Variants in DDR1 observed in about 807,000 individuals in gnomAD.
DDR1 encodes the protein epithelial discoidin domain-containing receptor 1.
In DDR1, 64 loss-of-function variants were observed where a neutral mutation model predicts 97.4. That is an observed-to-expected ratio of 0.66 (90% CI 0.54 to 0.81). The LOEUF is 0.81. Among genes scored for constraint, DDR1 ranks in the 30% least tolerant of loss-of-function variants. The pLI is 0.00. For missense variants in DDR1, 990 were observed against 1,259.6 expected, an observed-to-expected ratio of 0.79 and a Z score of 3.24; for synonymous variants, 458 against 503.7, an observed-to-expected ratio of 0.91 and a Z score of 1.21.
rs1301559706 is a variant in DDR1 at position 30,896,798 on chromosome 6, C to T, written c.1802C>T (p.Pro601Leu). The T allele has an allele frequency of 6.3e-7, 1 of 1,589,108 alleles. No individual in the cohort carries two copies. Among genetic ancestry groups the T allele is most frequent in the Non-Finnish European group, 8.6e-7 (1 of 1,165,672 alleles). The change falls in exon 13 of 18, where the codon CCC becomes CTC. Residue 601 changes from proline to leucine, a missense_variant. Coordinates refer to ENST00000376568, the MANE Select transcript of DDR1 (RefSeq NM_001297654.2). ...LPPGAVGDGPPRVDFPRSRLR... is the reference protein window; with the variant it reads ...LPPGAVGDGPLRVDFPRSRLR... The stretch of plus-strand genomic sequence containing the variant: ...CCAGGGGCAGTCGGGGATGGGCCCC[C>T]CAGAGTGGATTTCCCTCGATCTCGA...
intron 10 of DDR1, among the ~76,000 whole-genome samples, chr6:30,893,795 G>A (rs1789575194): frequency 6.6e-6 from 1 of 152,204 alleles, no homozygotes; most frequent in South Asian, 2.1e-4. Flanking sequence ...GCTCCTCTCT[G>A]GCTAACCCAA....
At chr6:30,898,005 C>G (rs1162679924) in intron 15 of DDR1, 68 bp from the exon 16 acceptor site, 1 of 1,286,800 alleles carries the variant, frequency 7.8e-7, no homozygotes, top group Non-Finnish European at 1.1e-6. Flanking sequence ...GGAGTGGGCT[C>G]TCTCTCCTCT....
intron 11 of DDR1, among the ~76,000 whole-genome samples, 153 bp from the exon 12 acceptor site, chr6:30,895,251 C>G (rs1336488120): frequency 3.3e-5 from 5 of 152,144 alleles, no homozygotes; most frequent in African/African-American, 9.7e-5. Context: ...TCCAGCCAGC[C>G]GTCCGTCACT....
chr6:30,896,960 C>T (rs370048524), intron 13 of DDR1, 54 bp from the exon 14 acceptor site: 17 of 1,581,982 alleles, frequency 1.1e-5, no homozygotes, highest in Middle Eastern at 1.7e-4. Flanking sequence ...CATTTGTAAC[C>T]GTGTTAATCC....
chr6:30,893,260 T>C lies in DDR1; in HGVS notation c.1196-12T>C, dbSNP rs751807233. On this transcript the variant is annotated splice_polypyrimidine_tract_variant and intron_variant, in intron 9 of 17. Coordinates refer to ENST00000376568, the MANE Select transcript of DDR1 (RefSeq NM_001297654.2). ...GACCCTCCTGTGGTGCTGACCCTGC[T>C]GCCTCCACCAGAGCTGGAGCCCAGA... 8.1e-6 allele frequency: 13 copies of C among 1,602,974 alleles called. No homozygotes were observed. Among genetic ancestry groups the C allele is most frequent in the Non-Finnish European group, 1.1e-5 (13 of 1,179,056 alleles).
Position 30,897,321 on chromosome 6 carries a change from G to A in DDR1, c.1998-58G>A, listed in dbSNP as rs1403456335. 4.6e-6 allele frequency: 7 copies of A among 1,538,314 alleles called. No individual in the cohort carries two copies. Among genetic ancestry groups the A allele is most frequent in the South Asian group, 3.5e-5 (3 of 84,848 alleles). On this transcript the variant is annotated intron_variant, in intron 14 of 17. Coordinates refer to ENST00000376568, the MANE Select transcript of DDR1 (RefSeq NM_001297654.2). This position sits in a 1 kb window ranked among gnomAD's most constrained non-coding sequence, Gnocchi z 5.2. The stretch of plus-strand genomic sequence containing the variant: ...AGGTGGGGCAGGGGGGTGGGGGCGC[G>A]GGGGAAGGTGCAGGCCGCCCACTCG...
Position 30,885,731 on chromosome 6 carries a change from A to G in DDR1, c.-43+1021A>G, listed in dbSNP as rs1785537172. 3 of 1,296,464 alleles carry G rather than the reference A, an allele frequency of 2.3e-6. No homozygotes were observed. The African/African-American group carries it at 4.5e-5, about 20-fold the overall frequency. 80.3% of individuals were successfully genotyped at this position (1,296,464 alleles called of 1,614,324 possible). ...AGCTTCTGTGTTTGCTCTGTCTCAG[A>G]AACTCTGTGAGGGTTGTCAGGGACA... is the stretch of plus-strand genomic sequence containing the variant. On this transcript the variant is annotated intron_variant, in intron 1 of 17. Coordinates refer to ENST00000376568, the MANE Select transcript of DDR1 (RefSeq NM_001297654.2).
rs2150442519 is a variant in DDR1, at chr6:30,897,419, A to G, written c.2038A>G (p.Lys680Glu). The G allele has an allele frequency of 1.9e-6, 3 of 1,614,126 alleles. No homozygotes were observed. Among genetic ancestry groups the G allele is most frequent in the Non-Finnish European group, 1.7e-6 (2 of 1,180,024 alleles). ...LKEVKIMSRL[K>E]DPNIIRLLGV... ...AGAGGTGAAGATCATGTCGAGGCTC[A>G]AGGACCCAAACATCATTCGGCTGCT... The change falls in exon 15 of 18, where the codon AAG (lysine) becomes GAG (glutamate). Residue 680 changes from lysine (K) to glutamate (E), a missense_variant. By Grantham distance (56) the Lys-to-Glu change is moderately conservative. Transcript: ENST00000376568. The surrounding 1 kb of genome is among the most constrained non-coding windows in gnomAD (Gnocchi z 5.2).
At position 30,886,055 on chromosome 6, in the gene DDR1, T is replaced by TA. The variant is rs1327685347; in HGVS notation, c.-43+1345_-43+1346insA. ...ACCCAGTGGAGAGAGATGAGGTGACTGGGGGTGTTGGAGAACAGACAGCCC... is the reference window on the plus strand; with the variant it reads ...ACCCAGTGGAGAGAGATGAGGTGACTAGGGGGTGTTGGAGAACAGACAGCCC... On this transcript the variant is annotated intron_variant, in intron 1 of 17. Transcript: ENST00000376568. The surrounding 1 kb of genome is among the most constrained non-coding windows in gnomAD (Gnocchi z 4.6). Among the ~76,000 whole-genome samples, 4 of 152,116 alleles carry TA rather than the reference T, an allele frequency of 2.6e-5. No individual in the cohort carries two copies. Among genetic ancestry groups the TA allele is most frequent in the African/African-American group, 9.7e-5 (4 of 41,400 alleles).
rs1787665776 is a variant in DDR1, at chr6:30,890,482, C to A, written c.418-491C>A. On this transcript the variant is annotated intron_variant, in intron 4 of 17. Transcript: ENST00000376568. The surrounding 1 kb of genome is among the most constrained non-coding windows in gnomAD (Gnocchi z 5.0). ...CTCACTGCTCTGTCCATACTTCCTG[C>A]CTCTTGTTCTTCGCAGCTGTTTTCC... is the stretch of plus-strand genomic sequence containing the variant. The A allele has an allele frequency of 1.3e-5, 2 of 156,374 alleles. No individual in the cohort carries two copies. The highest frequency in any genetic ancestry group is 3.8e-4 in the East Asian group (2 of 5,272). The allele number at this position is 156,374 out of a possible 1,614,324, so 9.7% of individuals were successfully genotyped here. A position where few individuals can be genotyped will look rare whatever the true frequency, so the allele number is the denominator to read the frequency against.
chr6:30,892,868 C>A (rs1242225310), intron 8 of DDR1, 200 bp from the exon 9 acceptor site: 3 of 604,546 alleles, frequency 5.0e-6, no homozygotes, highest in Non-Finnish European at 8.6e-6. Context: ...TCCACCTCCC[C>A]ACAATCCAGC....
At position 30,886,121 on chromosome 6, in the gene DDR1, G is replaced by A. The variant is rs1785726555; in HGVS notation, c.-43+1411G>A. Among the ~76,000 whole-genome samples, 1 of 152,074 alleles carries A rather than the reference G, an allele frequency of 6.6e-6. No individual in the cohort carries two copies. Among genetic ancestry groups the A allele is most frequent in the African/African-American group, 2.4e-5 (1 of 41,400 alleles). ...TCTCCGTGTTCCTCTGCTTGGCTCT[G>A]TGCCCCGTGTTTCTGAGCCTGCTCT... On this transcript the variant is annotated intron_variant, in intron 1 of 17. Coordinates refer to ENST00000376568, the MANE Select transcript of DDR1 (RefSeq NM_001297654.2). This position sits in a 1 kb window ranked among gnomAD's most constrained non-coding sequence, Gnocchi z 4.6.
chr6:30,898,090 A>G lies in DDR1; in HGVS notation c.2234A>G (p.His745Arg), dbSNP rs775002417. ...GPTISYPMLL[H>R]VAAQIASGMR... ...CTTCTCAGCTACCCAATGCTGCTGC[A>G]TGTGGCAGCCCAGATCGCCTCCGGC... Residue 745 changes from histidine (H) to arginine (R), a missense_variant, in exon 16 of 18, where the codon CAT becomes CGT. Transcript: ENST00000376568. 6.2e-7 allele frequency: 1 copy of G among 1,613,926 alleles called. No homozygotes were observed. The highest frequency in any genetic ancestry group is 8.5e-7 in the Non-Finnish European group (1 of 1,179,876).
In DDR1 at chr6:30,899,500, T is replaced by C; in HGVS notation, c.*204T>C. On this transcript the variant is annotated 3_prime_UTR_variant, in exon 18 of 18. Coordinates refer to ENST00000376568, the MANE Select transcript of DDR1 (RefSeq NM_001297654.2). ...TTCCTGGACACACTCTCATGTCCCC[T>C]TCCTGTTCTTCCTTCCTAGAAGCCC... 1 of 615,214 alleles carries C rather than the reference T, an allele frequency of 1.6e-6. No homozygotes were observed. The highest frequency in any genetic ancestry group is 2.7e-6 in the Non-Finnish European group (1 of 365,242). 38.1% of individuals were successfully genotyped at this position (615,214 alleles called of 1,614,324 possible).
Position 30,892,117 on chromosome 6 carries a change from C to G in DDR1, c.781C>G (p.His261Asp), listed in dbSNP as rs1301422373. 5.6e-6 allele frequency: 9 copies of G among 1,614,196 alleles called. No homozygotes were observed. Among genetic ancestry groups the G allele is most frequent in the Non-Finnish European group, 7.6e-6 (9 of 1,180,018 alleles). Residue 261 changes from histidine (H) to aspartate (D), a missense_variant, in exon 7 of 18, where the codon CAC (histidine) becomes GAC (aspartate). His to Asp is a moderately conservative substitution (Grantham distance 81). Transcript: ENST00000376568. ...CTATGACTATGTGGGATGGAGCAAC[C>G]ACAGCTTCTCCAGTGGCTATGTGGA... is the stretch of plus-strand genomic sequence containing the variant. The part of the protein sequence containing the change: ...PGYDYVGWSN[H>D]SFSSGYVEME...
rs978278341 is a variant in DDR1, at chr6:30,897,689, C to T, written c.2216+92C>T. On this transcript the variant is annotated intron_variant, in intron 15 of 17. Coordinates refer to ENST00000376568, the MANE Select transcript of DDR1 (RefSeq NM_001297654.2). The surrounding 1 kb of genome is among the most constrained non-coding windows in gnomAD (Gnocchi z 5.2). ...TTCAGCCTGGAGGAAAAGAGGGGAGCGTGGGGGTGGGAAGGGAGAGAGGTT... is the reference window on the plus strand; with the variant it reads ...TTCAGCCTGGAGGAAAAGAGGGGAGTGTGGGGGTGGGAAGGGAGAGAGGTT... 17 of 1,076,400 alleles carry T rather than the reference C, an allele frequency of 1.6e-5. No individual in the cohort carries two copies. Among genetic ancestry groups the T allele is most frequent in the Admixed American group, 1.4e-4 (6 of 44,144 alleles). The allele number at this position is 1,076,400 out of a possible 1,614,324, so 66.7% of individuals were successfully genotyped here.
chr6:30,893,563 A>G (rs1443792414), intron 10 of DDR1, 140 bp downstream of exon 10: 6 of 1,436,892 alleles, frequency 4.2e-6, no homozygotes, highest in Non-Finnish European at 5.5e-6. Flanking sequence ...CACCATGTCA[A>G]AGAGGGTATG....
Position 30,897,367 on chromosome 6 carries a change from C to T in DDR1, c.1998-12C>T. The stretch of plus-strand genomic sequence containing the variant: ...ACTCGGCATTCCTCTTCAGCTTCTC[C>T]TTGTTCTCCAGGAATGATTTCCTGA... On this transcript the variant is annotated splice_polypyrimidine_tract_variant and intron_variant, in intron 14 of 17. Transcript: ENST00000376568. The surrounding 1 kb of genome is among the most constrained non-coding windows in gnomAD (Gnocchi z 5.2). 3 of 1,613,920 alleles carry T rather than the reference C, an allele frequency of 1.9e-6. No individual in the cohort carries two copies.
chr6:30,891,314 G>C lies in DDR1; in HGVS notation c.566-66G>C. Reference sequence around the variant, plus strand: ...AAGAAGGGACCTGAAACCTGCCCAGGCCTGATGCAGGGATGGGGGATGGAG... The same window carrying C: ...AAGAAGGGACCTGAAACCTGCCCAGCCCTGATGCAGGGATGGGGGATGGAG... On this transcript the variant is annotated intron_variant, in intron 5 of 17. Transcript: ENST00000376568. This position sits in a 1 kb window ranked among gnomAD's most constrained non-coding sequence, Gnocchi z 5.3. The C allele has an allele frequency of 6.8e-7, 1 of 1,463,442 alleles. No individual in the cohort carries two copies. Among genetic ancestry groups the C allele is most frequent in the Non-Finnish European group, 9.5e-7 (1 of 1,053,736 alleles). 90.7% of individuals were successfully genotyped at this position (1,463,442 alleles called of 1,614,324 possible).
Sources: allele counts gnomAD v4.1 joint callset (sites outside exome capture counted in the v4.1 genomes callset), GRCh38; gene constraint gnomAD v4.1.1; non-coding constraint Gnocchi (gnomAD v3.1); transcripts MANE v1.5; gene names NCBI Gene and HGNC (gene_info 2026-07-23, HGNC 2026-07-21).